The following GRM7 variants were observed in gnomAD, a reference collection of about 807,000 sequenced individuals.
The protein encoded by GRM7 is glutamate metabotropic receptor 7, also known as metabotropic glutamate receptor 7.
In GRM7, 35 loss-of-function variants were observed where a neutral mutation model predicts 84.5. The ratio of observed to expected loss-of-function variants is 0.41; its 90% confidence interval spans 0.32 to 0.55. The LOEUF is 0.55. Among genes scored for constraint, GRM7 ranks in the 20% least tolerant of loss-of-function variants. The pLI, the probability that GRM7 is intolerant of heterozygous loss-of-function variation, is 0.19. For missense variants in GRM7, 1,003 were observed against 1,194.6 expected (o/e 0.84, Z 2.36); for synonymous variants, 487 against 455.1 (o/e 1.07, Z -0.89).
intron 1 of GRM7, among the ~76,000 whole-genome samples, chr3:7,066,960 C>A (rs948317869): frequency 6.6e-6 from 1 of 151,898 alleles, no homozygotes; most frequent in Non-Finnish European, 1.5e-5. Flanking sequence ...AAGCATTTGA[C>A]AGAATCTAGC....
chr3:7,549,838 T>C (rs941001857), intron 7 of GRM7, among the ~76,000 whole-genome samples: 1 of 152,196 alleles, frequency 6.6e-6, no homozygotes, highest in Non-Finnish European at 1.5e-5. Context: ...GCATCTGTAA[T>C]GCTTGTGTTT....
At chr3:7,186,308 GTTC>G (rs1695512604) in intron 2 of GRM7, among the ~76,000 whole-genome samples, 1 of 152,268 alleles carries the variant, frequency 6.6e-6, no homozygotes, top group East Asian at 1.9e-4. Context: ...CATGGGCATA[GTTC>G]TTCTTTCTTC....
At chr3:7,306,700 A>T in intron 4 of GRM7, 48 bp downstream of exon 4, 1 of 1,476,466 alleles carries the variant, frequency 6.8e-7, no homozygotes, top group African/African-American at 1.4e-5. Context: ...TTCTGGTGCC[A>T]TGCTGAATGG....
intron 4 of GRM7, among the ~76,000 whole-genome samples, chr3:7,409,593 G>A (rs963448293): frequency 2.0e-5 from 3 of 151,184 alleles, no homozygotes; most frequent in East Asian, 1.9e-4. Context: ...GTTTTGTTTT[G>A]TTTTGTTTTG....
chr3:7,369,922 C>G (rs1055232006), intron 4 of GRM7, among the ~76,000 whole-genome samples: 1 of 151,992 alleles, frequency 6.6e-6, no homozygotes, highest in African/African-American at 2.4e-5. Flanking sequence ...TTCTTCTATT[C>G]CGATCTAGTC....
chr3:7,017,216 G>A (rs918822204), intron 1 of GRM7, among the ~76,000 whole-genome samples: 6 of 152,146 alleles, frequency 3.9e-5, no homozygotes, highest in Non-Finnish European at 8.8e-5. Flanking sequence ...TTAATATAAC[G>A]AGGTTGTTGG....
At chr3:7,380,365 GACCAAA>G (rs1694537383) in intron 4 of GRM7, among the ~76,000 whole-genome samples, 2 of 284 alleles carry the variant, frequency 7.0e-3, no homozygotes, top group Non-Finnish European at 0.015. Flanking sequence ...TAGTTCAGAG[GACCAAA>G]ATTTGCTTTC....
chr3:7,201,703 G>T (rs747909380), intron 2 of GRM7, among the ~76,000 whole-genome samples: 3 of 152,096 alleles, frequency 2.0e-5, no homozygotes, highest in Non-Finnish European at 4.4e-5. Flanking sequence ...GGAAATTAAG[G>T]CATACTAAGT....
At chr3:7,650,661 C>G (rs1269296026) in intron 8 of GRM7, among the ~76,000 whole-genome samples, 1 of 152,114 alleles carries the variant, frequency 6.6e-6, no homozygotes, top group Non-Finnish European at 1.5e-5. Context: ...AGAGGGCAAG[C>G]AAAGGTCATT....
At chr3:6,878,577 C>T (rs554353624) in intron 1 of GRM7, among the ~76,000 whole-genome samples, 1 of 140,354 alleles carries the variant, frequency 7.1e-6, no homozygotes, top group South Asian at 2.2e-4. Context: ...AACAACACAT[C>T]CTCTCAGACA....
intron 1 of GRM7, among the ~76,000 whole-genome samples, chr3:6,872,475 T>A (rs993349169): frequency 7.2e-5 from 11 of 152,274 alleles, no homozygotes; most frequent in East Asian, 1.9e-4. Flanking sequence ...GTATTTTTTT[T>A]AATTTTACTT....
At chr3:7,633,763 T>A (rs1697955383) in intron 8 of GRM7, among the ~76,000 whole-genome samples, 1 of 152,216 alleles carries the variant, frequency 6.6e-6, no homozygotes, top group South Asian at 2.1e-4. Context: ...CGTTAATTTC[T>A]TTGTATGTAA....
At chr3:7,449,013 A>T (rs184676512) in intron 5 of GRM7, among the ~76,000 whole-genome samples, 9 of 152,216 alleles carry the variant, frequency 5.9e-5, no homozygotes, top group African/African-American at 2.2e-4. Flanking sequence ...TAAAATTCAT[A>T]TTAAAAATGA....
intron 7 of GRM7, among the ~76,000 whole-genome samples, chr3:7,509,579 C>T (rs1700137502): frequency 6.6e-6 from 1 of 152,216 alleles, no homozygotes; most frequent in South Asian, 2.1e-4. Context: ...TGATAAGCCA[C>T]TTCATAGTGA....
intron 1 of GRM7, among the ~76,000 whole-genome samples, chr3:7,001,457 T>C (rs1695012461): frequency 6.6e-6 from 1 of 152,232 alleles, no homozygotes; most frequent in Non-Finnish European, 1.5e-5. Flanking sequence ...AATGTATAGA[T>C]GAGCTACTTA....
intron 5 of GRM7, 58 bp downstream of exon 5, chr3:7,415,221 C>CAGCTA: frequency 1.2e-5 from 16 of 1,381,654 alleles, no homozygotes; most frequent in Non-Finnish European, 1.5e-5. Context: ...ACTGACATGT[C>CAGCTA]TGCATAGCTG....
chr3:7,490,028 A>G (rs1450101), intron 7 of GRM7, among the ~76,000 whole-genome samples: 39,077 of 151,748 alleles, frequency 0.26, 5,755 homozygotes, highest in East Asian at 0.6. Context: ...TGACAAAAAT[A>G]TGCTGAAATC....
chr3:7,072,286 ACT>A (rs111576612), intron 1 of GRM7, among the ~76,000 whole-genome samples: 6 of 152,008 alleles, frequency 3.9e-5, no homozygotes, highest in African/African-American at 1.4e-4. Flanking sequence ...GTTCTGTGAA[ACT>A]CTGAGACCTT....
chr3:7,671,087 G>A (rs1369750796), intron 8 of GRM7, among the ~76,000 whole-genome samples: 2 of 152,206 alleles, frequency 1.3e-5, no homozygotes, highest in South Asian at 2.1e-4. Flanking sequence ...ACATAAGAGA[G>A]TAAAATTCCT....
Sources: allele counts gnomAD v4.1 joint callset (sites outside exome capture counted in the v4.1 genomes callset), GRCh38; gene constraint gnomAD v4.1.1; transcripts MANE v1.5; gene names NCBI Gene and HGNC (gene_info 2026-07-23, HGNC 2026-07-21).